The following ARL14EPL variants were observed in gnomAD, a reference collection of about 807,000 sequenced individuals.
ARL14EPL encodes ARF like GTPase 14 effector protein like, also known as ARL14 effector protein-like.
Under a neutral mutation model 15.9 loss-of-function variants are expected in ARL14EPL, and 17 were observed. The ratio of observed to expected loss-of-function variants is 1.07; its 90% CI spans 0.73 to 1.60. The LOEUF (loss-of-function observed/expected upper bound fraction) is 1.60. Among genes scored for constraint, ARL14EPL ranks in the 40% most tolerant of loss-of-function variants. The pLI is 0.00. For synonymous variants in ARL14EPL, 78 were observed against 63.8 expected (o/e 1.22, Z -1.06); for missense variants, 214 against 185.9 (o/e 1.15, Z -0.88).
chr5:116,048,572 G>A (rs1438691578), intron 1 of ARL14EPL, among the ~76,000 whole-genome samples: 4 of 152,098 alleles, frequency 2.6e-5, no homozygotes, highest in African/African-American at 9.7e-5. Context: ...AGTAATACAT[G>A]TGCCCAACTG....
chr5:116,057,215 G>T (rs1157101619), intron 3 of ARL14EPL, among the ~76,000 whole-genome samples: 1 of 152,148 alleles, frequency 6.6e-6, no homozygotes, highest in Non-Finnish European at 1.5e-5. Context: ...GCCTTCGGAA[G>T]TGACTTTTAT....
At chr5:116,038,553 C>A (rs1335307339) in intron 1 of ARL14EPL, among the ~76,000 whole-genome samples, 1 of 152,032 alleles carries the variant, frequency 6.6e-6, no homozygotes, top group East Asian at 1.9e-4. Context: ...TGCTGAGGAC[C>A]ACAAAGGACC....
chr5:116,040,845 G>A (rs1749139479), intron 1 of ARL14EPL, among the ~76,000 whole-genome samples: 1 of 149,544 alleles, frequency 6.7e-6, no homozygotes, highest in Non-Finnish European at 1.5e-5. Flanking sequence ...GTCGGGCGTG[G>A]TGGCGGGCGC....
At chr5:116,035,119 C>T (rs1749026038) in intron 1 of ARL14EPL, among the ~76,000 whole-genome samples, 1 of 152,156 alleles carries the variant, frequency 6.6e-6, no homozygotes, top group Non-Finnish European at 1.5e-5. Context: ...TGATATATCC[C>T]GCAGAGCAGC....
At chr5:116,058,322 G>A (rs545168878) in intron 3 of ARL14EPL, among the ~76,000 whole-genome samples, 129 of 152,296 alleles carry the variant, frequency 8.5e-4, no homozygotes, top group African/African-American at 3.1e-3. Flanking sequence ...AATCTGTTAG[G>A]GAAAAATCTA....
Position 116,054,075 on chromosome 5 carries a change from A to C in ARL14EPL, c.158A>C (p.Asp53Ala). ...AFRNPGPQVADFNPETRQQKK... is the reference protein window; with the variant it reads ...AFRNPGPQVAAFNPETRQQKK... ...CGAAACCCTGGACCACAGGTAGCAGACTTTAATCCTGAAACAAGGCAGCAG... is the reference window on the plus strand; with the variant it reads ...CGAAACCCTGGACCACAGGTAGCAGCCTTTAATCCTGAAACAAGGCAGCAG... The change falls in exon 3 of 4, where the codon GAC (aspartate) becomes GCC (alanine). Residue 53 changes from aspartate (D) to alanine (A), a missense_variant. By Grantham distance (126) the Asp-to-Ala change is moderately radical. Transcript: ENST00000686077. 5 of 1,535,868 alleles carry C rather than the reference A, an allele frequency of 3.3e-6. No homozygotes were observed. Among genetic ancestry groups the C allele is most frequent in the Non-Finnish European group, 4.4e-6 (5 of 1,146,738 alleles).
chr5:116,040,963 G>A (rs1749143257), intron 1 of ARL14EPL, among the ~76,000 whole-genome samples: 1 of 34,198 alleles, frequency 2.9e-5, no homozygotes, highest in Non-Finnish European at 6.8e-5. Context: ...CTGGGAGACA[G>A]AACGAGATTC....
At chr5:116,045,254 C>A (rs1470594876) in intron 1 of ARL14EPL, among the ~76,000 whole-genome samples, 1 of 152,004 alleles carries the variant, frequency 6.6e-6, no homozygotes, top group African/African-American at 2.4e-5. Flanking sequence ...CATAATAGGG[C>A]CATTGGGATT....
chr5:116,052,215 T>C (rs1749399538), intron 2 of ARL14EPL: 6 of 1,606,486 alleles, frequency 3.7e-6, no homozygotes, highest in East Asian at 2.2e-5. Context: ...CCCCCGGATT[T>C]GTTCACTGGG....
intron 1 of ARL14EPL, among the ~76,000 whole-genome samples, chr5:116,043,354 A>G (rs781701974): frequency 5.9e-5 from 9 of 152,060 alleles, no homozygotes; most frequent in Non-Finnish European, 1.3e-4. Context: ...TGAAAAAGCA[A>G]CCAATTTTAC....
intron 1 of ARL14EPL, among the ~76,000 whole-genome samples, chr5:116,040,570 A>G (rs1749132418): frequency 6.6e-6 from 1 of 151,394 alleles, no homozygotes. Context: ...CAATATTAGC[A>G]TATAGTTGTG....
At chr5:116,038,097 A>G (rs991901427) in intron 1 of ARL14EPL, among the ~76,000 whole-genome samples, 7 of 152,224 alleles carry the variant, frequency 4.6e-5, no homozygotes, top group South Asian at 2.1e-4. Context: ...GAACCTGAAA[A>G]AAAAAGTGCC....
At chr5:116,058,674 A>G (rs1052475129) in intron 3 of ARL14EPL, 51 bp from the exon 4 acceptor site, 20 of 1,483,716 alleles carry the variant, frequency 1.3e-5, no homozygotes, top group East Asian at 2.5e-5. Flanking sequence ...TTTATTCTCA[A>G]TGTTGAGGAT....
intron 1 of ARL14EPL, among the ~76,000 whole-genome samples, chr5:116,036,987 T>A (rs977762595): frequency 3.9e-5 from 6 of 152,148 alleles, no homozygotes; most frequent in Non-Finnish European, 8.8e-5. Context: ...ACTCTCCTCC[T>A]CTGAGCAGCC....
At chr5:116,053,806 T>C (rs1749452343) in intron 2 of ARL14EPL, among the ~76,000 whole-genome samples, 1 of 152,274 alleles carries the variant, frequency 6.6e-6, no homozygotes, top group Non-Finnish European at 1.5e-5. Context: ...AGTGTTATAC[T>C]ATTTCTTTAT....
chr5:116,032,697 G>A (rs757025355), intron 1 of ARL14EPL, among the ~76,000 whole-genome samples, 192 bp downstream of exon 1: 9 of 152,124 alleles, frequency 5.9e-5, no homozygotes, highest in Non-Finnish European at 8.8e-5. Context: ...ATATAGAGTA[G>A]GATACTATCC....
chr5:116,035,443 T>C (rs142523135), intron 1 of ARL14EPL, among the ~76,000 whole-genome samples: 5 of 152,362 alleles, frequency 3.3e-5, no homozygotes, highest in African/African-American at 4.8e-5. Context: ...ATCTATTTCC[T>C]AGAATTCTCT....
intron 1 of ARL14EPL, among the ~76,000 whole-genome samples, chr5:116,035,639 C>G (rs1040545666): frequency 6.6e-6 from 1 of 152,168 alleles, no homozygotes; most frequent in Admixed American, 6.5e-5. Context: ...TTATTAGAAC[C>G]TAGAAGCTGG....
chr5:116,044,209 C>T (rs576572145), intron 1 of ARL14EPL, among the ~76,000 whole-genome samples: 14 of 152,106 alleles, frequency 9.2e-5, no homozygotes, highest in Admixed American at 3.3e-4. Flanking sequence ...TTGTTCTTTG[C>T]GGTAAAAGTA....
Sources: allele counts gnomAD v4.1 joint callset (sites outside exome capture counted in the v4.1 genomes callset), GRCh38; gene constraint gnomAD v4.1.1; transcripts MANE v1.5; gene names NCBI Gene and HGNC (gene_info 2026-07-23, HGNC 2026-07-21).